The following CELSR3 variants were observed in gnomAD, a reference collection of about 807,000 sequenced individuals.
CELSR3 encodes the protein cadherin EGF LAG seven-pass G-type receptor 3.
A neutral mutation model predicts 270.0 loss-of-function variants in CELSR3; 73 were observed. The observed-to-expected ratio is 0.27, with a 90% CI of 0.22 to 0.33. The LOEUF is 0.33. Among genes scored for constraint, CELSR3 ranks in the 10% least tolerant of loss-of-function variants. The pLI is 1.00. For synonymous variants in CELSR3, 1,780 were observed against 1,905.4 expected (o/e 0.93, Z 1.71); for missense variants, 3,614 against 4,533.8 (o/e 0.80, Z 5.83).
Position 48,641,773 on chromosome 3 carries a change from G to T in CELSR3, c.8824+78C>A. On this transcript the variant is annotated intron_variant, in intron 32 of 34. Transcript: ENST00000164024. The surrounding 1 kb of genome is among the most constrained non-coding windows in gnomAD (Gnocchi z 4.8). ...AGAAAGACCAGGATGAACCCCAACC[G>T]CAGGAAAGATGGGGAGCTGGAGGGA... 1.5e-6 allele frequency: 2 copies of T among 1,346,122 alleles called. No individual in the cohort carries two copies. The highest frequency in any genetic ancestry group is 2.0e-6 in the Non-Finnish European group (2 of 1,015,880). The allele number at this position is 1,346,122 out of a possible 1,614,324, so 83.4% of individuals were successfully genotyped here. A position where few individuals can be genotyped will look rare whatever the true frequency, so the allele number is the denominator to read the frequency against.
rs756196478 is a variant in CELSR3 at position 48,660,734 on chromosome 3, G to A, written c.1901C>T (p.Thr634Met). The A allele has an allele frequency of 1.2e-6, 2 of 1,614,090 alleles. No homozygotes were observed. Among genetic ancestry groups the A allele is most frequent in the South Asian group, 2.2e-5 (2 of 91,086 alleles). Residue 634 changes from threonine (T) to methionine (M), a missense_variant, in exon 1 of 35, where the codon ACG becomes ATG. Transcript: ENST00000164024. This position sits in a 1 kb window ranked among gnomAD's most constrained non-coding sequence, Gnocchi z 5.5. ...DAGRPPLSNN[T>M]GLASIQVVDI... is the part of the protein sequence containing the mutation. ...CACCACCTGGATGCTGGCCAGGCCC[G>A]TGTTGTTGGACAGCGGTGGCCGGCC...
In CELSR3 at chr3:48,643,010, C is replaced by A; in HGVS notation, c.8363G>T (p.Gly2788Val). The A allele has an allele frequency of 6.2e-7, 1 of 1,612,822 alleles. No individual in the cohort carries two copies. The highest frequency in any genetic ancestry group is 8.5e-7 in the Non-Finnish European group (1 of 1,179,868). ...TGCCTCCTCAGGCGCTGCCTTCCTG[C>A]CCAGACAGGCTGGCATCCAGGCAGC... ...ARAAWMPACL[G>V]RKAAPEEARP... The change falls in exon 29 of 35, where the codon GGC (glycine) becomes GTC (valine). Residue 2788 changes from glycine to valine, a missense_variant. By Grantham distance (109) the Gly-to-Val change is moderately radical. Around this residue, in one of 7 missense-constraint regions of CELSR3, gnomAD observed 1,240 missense variants for 1,351.7 expected, o/e 0.92. Coordinates refer to ENST00000164024, the MANE Select transcript of CELSR3 (RefSeq NM_001407.3).
chr3:48,661,580 G>A lies in CELSR3; in HGVS notation c.1055C>T (p.Pro352Leu). The A allele has an allele frequency of 6.2e-7, 1 of 1,609,366 alleles. No individual in the cohort carries two copies. Among genetic ancestry groups the A allele is most frequent in the Non-Finnish European group, 8.5e-7 (1 of 1,179,108 alleles). The change falls in exon 1 of 35, where the codon CCG (proline) becomes CTG (leucine). Residue 352 changes from proline (P) to leucine (L), a missense_variant. Around this residue, in one of 7 missense-constraint regions of CELSR3, gnomAD observed 354 missense variants for 500.9 expected, o/e 0.71. Transcript: ENST00000164024. ...TAGGCGCCCGGCCTCGCCGGCGTCC[G>A]GGTCCTGAGCAACCACGCGTAGCAC... ...TAVLRVVAQD[P>L]DAGEAGRLVY...
rs1282581092 is a variant in CELSR3 at position 48,646,775 on chromosome 3, C to T, written c.7283G>A (p.Arg2428His). The change falls in exon 21 of 35, where the codon CGC (arginine) becomes CAC (histidine). Residue 2428 changes from arginine to histidine, a missense_variant. Arg to His is a conservative substitution (Grantham distance 29, BLOSUM62 0). Transcript: ENST00000164024. The surrounding 1 kb of genome is among the most constrained non-coding windows in gnomAD (Gnocchi z 4.8). ...GLLPAQFQAE[R>H]RGARLPQNPV... ...GGGGCCTGAGTACCTGGCACCTCGGCGTTCTGCCTGGAACTGGGCAGGGAG... is the reference window on the plus strand; with the variant it reads ...GGGGCCTGAGTACCTGGCACCTCGGTGTTCTGCCTGGAACTGGGCAGGGAG... 8 of 1,609,070 alleles carry T rather than the reference C, an allele frequency of 5.0e-6. No homozygotes were observed. The highest frequency in any genetic ancestry group is 1.7e-4 in the Middle Eastern group (1 of 5,962).
Position 48,642,834 on chromosome 3 carries a change from G to A in CELSR3, c.8457C>T (p.Ile2819=), listed in dbSNP as rs149689986. 2 of 1,613,052 alleles carry A rather than the reference G, an allele frequency of 1.2e-6. No individual in the cohort carries two copies. The highest frequency in any genetic ancestry group is 2.7e-5 in the African/African-American group (2 of 74,928). Residue 2819 remains isoleucine (I), a synonymous_variant, in exon 30 of 35, where the codon ATC becomes ATT. Coordinates refer to ENST00000164024, the MANE Select transcript of CELSR3 (RefSeq NM_001407.3). The surrounding 1 kb of genome is among the most constrained non-coding windows in gnomAD (Gnocchi z 6.1). The stretch of plus-strand genomic sequence containing the variant: ...CGGTGGAGGCGCCCAGAGTGATGCG[G>A]ATGAGGCCACTCTCCTCAAAGAGAG... ...NTALFEESGL[I]RITLGASTVS...
chr3:48,650,631 G>T lies in CELSR3; in HGVS notation c.6371-50C>A. ...CAGGCAGTCAGGGTACAGGGCAGTT[G>T]ACAGCCACACCCACTGCCCCTCCAC... On this transcript the variant is annotated intron_variant, in intron 15 of 34. Coordinates refer to ENST00000164024, the MANE Select transcript of CELSR3 (RefSeq NM_001407.3). This position sits in a 1 kb window ranked among gnomAD's most constrained non-coding sequence, Gnocchi z 5.1. 1 of 1,467,942 alleles carries T rather than the reference G, an allele frequency of 6.8e-7. No homozygotes were observed. Among genetic ancestry groups the T allele is most frequent in the Non-Finnish European group, 9.3e-7 (1 of 1,077,936 alleles). The allele number at this position is 1,467,942 out of a possible 1,614,324, so 90.9% of individuals were successfully genotyped here. A position where few individuals can be genotyped will look rare whatever the true frequency, so the allele number is the denominator to read the frequency against.
At position 48,640,488 on chromosome 3, in the gene CELSR3, G is replaced by A. The variant is rs568369822; in HGVS notation, c.9097C>T (p.Arg3033Cys). ...GCACGGTGGCCCAAGGTGGCTGCAC[G>A]GCACCAGGACAGCTCAGGGGCACCT... The part of the protein sequence containing the change: ...TRGAPELSWC[R>C]AATLGHRAVP... The change falls in exon 34 of 35, where the codon CGT (arginine) becomes TGT (cysteine). Residue 3033 changes from arginine to cysteine, a missense_variant. Physicochemically the swap from Arg to Cys is radical, Grantham distance 180. Coordinates refer to ENST00000164024, the MANE Select transcript of CELSR3 (RefSeq NM_001407.3). The surrounding 1 kb of genome is among the most constrained non-coding windows in gnomAD (Gnocchi z 7.5). The A allele has an allele frequency of 1.2e-5, 20 of 1,612,026 alleles. No homozygotes were observed. Among genetic ancestry groups the A allele is most frequent in the South Asian group, 9.9e-5 (9 of 91,030 alleles).
In CELSR3 at chr3:48,658,972, G is replaced by A. The variant is rs1409789239; in HGVS notation, c.3663C>T (p.Val1221=). The A allele has an allele frequency of 3.7e-6, 6 of 1,614,074 alleles. No individual in the cohort carries two copies. In the East Asian group the frequency reaches 1.1e-4, roughly 30 times the overall value. ...GTCGCAGCTCCCCACTGGTCTGGTTGACTACCAGCAGCTGCAGCTCATTGC... is the reference window on the plus strand; with the variant it reads ...GTCGCAGCTCCCCACTGGTCTGGTTAACTACCAGCAGCTGCAGCTCATTGC... The part of the protein sequence containing the change: ...ERGNELQLLV[V]NQTSGELRLS... The change falls in exon 1 of 35, where the codon GTC becomes GTT. Residue 1221 remains valine (V), a synonymous_variant. Coordinates refer to ENST00000164024, the MANE Select transcript of CELSR3 (RefSeq NM_001407.3). This position sits in a 1 kb window ranked among gnomAD's most constrained non-coding sequence, Gnocchi z 4.7.
At position 48,659,804 on chromosome 3, in the gene CELSR3, G is replaced by T. The variant is rs777276532; in HGVS notation, c.2831C>A (p.Thr944Asn). Residue 944 changes from threonine (T) to asparagine (N), a missense_variant, in exon 1 of 35, where the codon ACT becomes AAT. This residue lies in a region of CELSR3 where 1,331 missense variants were observed against 1,933.7 expected (regional missense o/e 0.69). Transcript: ENST00000164024. This position sits in a 1 kb window ranked among gnomAD's most constrained non-coding sequence, Gnocchi z 8.1. ...RDNGIPQKAD[T>N]TYVEVMVNDV... ...ATTGACCATCACCTCCACATAAGTA[G>T]TGTCTGCCTTCTGTGGGATGCCATT... The T allele has an allele frequency of 5.8e-5, 93 of 1,614,120 alleles. 1 individual carries two copies. The highest frequency in any genetic ancestry group is 7.7e-5 in the Non-Finnish European group (91 of 1,180,050).
chr3:48,642,285 T>G lies in CELSR3; in HGVS notation c.8665+73A>C. ...CACCCCAGTCAGCCACTGCTCCCAG[T>G]ATGGGGTAGAAGAAAAGGGGATGGG... On this transcript the variant is annotated intron_variant, in intron 31 of 34. Coordinates refer to ENST00000164024, the MANE Select transcript of CELSR3 (RefSeq NM_001407.3). The surrounding 1 kb of genome is among the most constrained non-coding windows in gnomAD (Gnocchi z 6.1). 2 of 1,482,780 alleles carry G rather than the reference T, an allele frequency of 1.3e-6. No homozygotes were observed. Among genetic ancestry groups the G allele is most frequent in the Non-Finnish European group, 1.8e-6 (2 of 1,090,824 alleles). The allele number at this position is 1,482,780 out of a possible 1,614,324, so 91.9% of individuals were successfully genotyped here.
rs1452684270 is a variant in CELSR3 at position 48,643,585 on chromosome 3, T to C, written c.8258A>G (p.His2753Arg). 1.3e-6 allele frequency: 2 copies of C among 1,550,646 alleles called. No individual in the cohort carries two copies. The highest frequency in any genetic ancestry group is 1.7e-6 in the Non-Finnish European group (2 of 1,146,816). Reference protein sequence around the residue: ...LAVNHSILAFHYLHAGLCGLQ... With the variant: ...LAVNHSILAFRYLHAGLCGLQ... ...GCCGCAGAGTCCAGCATGGAGGTAG[T>C]GGAAGGCTAGGATGCTGTGGTTGAC... Residue 2753 changes from histidine (H) to arginine (R), a missense_variant, in exon 28 of 35, where the codon CAC becomes CGC. His to Arg is a conservative substitution (Grantham distance 29). This residue lies in a region of CELSR3 where 1,240 missense variants were observed against 1,351.7 expected (regional missense o/e 0.92). Coordinates refer to ENST00000164024, the MANE Select transcript of CELSR3 (RefSeq NM_001407.3).
Position 48,647,954 on chromosome 3 carries a change from C to A in CELSR3, c.7016G>T (p.Gly2339Val). 2.5e-6 allele frequency: 4 copies of A among 1,612,140 alleles called. No homozygotes were observed. The highest frequency in any genetic ancestry group is 3.4e-6 in the Non-Finnish European group (4 of 1,179,690). Residue 2339 changes from glycine to valine, a missense_variant, in exon 20 of 35, where the codon GGG becomes GTG. By Grantham distance (109) the Gly-to-Val change is moderately radical (BLOSUM62 -3). Coordinates refer to ENST00000164024, the MANE Select transcript of CELSR3 (RefSeq NM_001407.3). ...DRMEHPSSPRGARRYPRYHSN... is the reference protein window; with the variant it reads ...DRMEHPSSPRVARRYPRYHSN... ...ATGGTAGCGAGGGTAGCGACGGGCC[C>A]CCCGGGGAGAACTGGGGTGCTCCAT...
At position 48,644,395 on chromosome 3, in the gene CELSR3, G is replaced by T; in HGVS notation, c.8086-100C>A. 1.7e-6 allele frequency: 2 copies of T among 1,143,050 alleles called. No homozygotes were observed. Among genetic ancestry groups the T allele is most frequent in the Non-Finnish European group, 2.6e-6 (2 of 769,198 alleles). 70.8% of individuals were successfully genotyped at this position (1,143,050 alleles called of 1,614,324 possible). A position where few individuals can be genotyped will look rare whatever the true frequency, so the allele number is the denominator to read the frequency against. ...GAGAGACTAAGATTCACGGAGAGAG[G>T]CAGAACCAGTGAGAAATTCACACAT... is the stretch of plus-strand genomic sequence containing the variant. On this transcript the variant is annotated intron_variant, in intron 26 of 34. Transcript: ENST00000164024. This position sits in a 1 kb window ranked among gnomAD's most constrained non-coding sequence, Gnocchi z 4.8.
In CELSR3 at chr3:48,661,218, C is replaced by T. The variant is rs753702923; in HGVS notation, c.1417G>A (p.Val473Met). 1 of 1,602,764 alleles carries T rather than the reference C, an allele frequency of 6.2e-7. No individual in the cohort carries two copies. Among genetic ancestry groups the T allele is most frequent in the South Asian group, 1.1e-5 (1 of 90,292 alleles). ...GCAGCGCGCGCAGCTGGCGGCCCCA[C>T]GAAGCGGTAGCGCAGGTTGGCGTTG... Reference protein sequence around the residue: ...PPNANLRYRFVGPPAARAAAA... With the variant: ...PPNANLRYRFMGPPAARAAAA... The change falls in exon 1 of 35, where the codon GTG (valine) becomes ATG (methionine). Residue 473 changes from valine (V) to methionine (M), a missense_variant. By Grantham distance (21) the Val-to-Met change is conservative. Around this residue, in one of 7 missense-constraint regions of CELSR3, gnomAD observed 354 missense variants for 500.9 expected, o/e 0.71. Transcript: ENST00000164024.
chr3:48,646,142 G>T lies in CELSR3; in HGVS notation c.7411C>A (p.Gln2471Lys), dbSNP rs376959970. The T allele has an allele frequency of 6.2e-7, 1 of 1,612,926 alleles. No individual in the cohort carries two copies. Among genetic ancestry groups the T allele is most frequent in the Non-Finnish European group, 8.5e-7 (1 of 1,179,956 alleles). The change falls in exon 22 of 35, where the codon CAG becomes AAG. Residue 2471 changes from glutamine to lysine, a missense_variant. Gln to Lys is a moderately conservative substitution (Grantham distance 53, BLOSUM62 1). Around this residue, in one of 7 missense-constraint regions of CELSR3, gnomAD observed 1,240 missense variants for 1,351.7 expected, o/e 0.92. Transcript: ENST00000164024. The surrounding 1 kb of genome is among the most constrained non-coding windows in gnomAD (Gnocchi z 4.8). ...SPISLEFRLL[Q>K]TANRSKAICV... ...ATCGCCTTGCTCCGATTCGCTGTCT[G>T]TAGCAGGCGAAACTCTAGGCTGATG... is the stretch of plus-strand genomic sequence containing the variant.
rs1352687662 is a variant in CELSR3, at chr3:48,654,878, G to A, written c.4988+166C>T. ...GTATGGGGTGGAATACAGGATTGGG[G>A]GCTAGGGTGAGTAGGCTTTCAGGGT... On this transcript the variant is annotated intron_variant, in intron 6 of 34. Transcript: ENST00000164024. The surrounding 1 kb of genome is among the most constrained non-coding windows in gnomAD (Gnocchi z 5.4). Among the ~76,000 whole-genome samples, 1 of 151,726 alleles carries A rather than the reference G, an allele frequency of 6.6e-6. No individual in the cohort carries two copies. Among genetic ancestry groups the A allele is most frequent in the Non-Finnish European group, 1.5e-5 (1 of 67,942 alleles).
rs1487789046 is a variant in CELSR3 at position 48,656,208 on chromosome 3, G to A, written c.4557C>T (p.Ser1519=). 1.3e-6 allele frequency: 2 copies of A among 1,537,114 alleles called. No homozygotes were observed. Among genetic ancestry groups the A allele is most frequent in the South Asian group, 1.2e-5 (1 of 84,108 alleles). The change falls in exon 3 of 35, where the codon TCC becomes TCT. Residue 1519 remains serine, a synonymous_variant. Coordinates refer to ENST00000164024, the MANE Select transcript of CELSR3 (RefSeq NM_001407.3). The part of the protein sequence containing the change: ...EGPRCEVAAR[S]FPPSSFVMFR... ...ACATGACGAACGAACTGGGCGGGAAGGAGCGCGCAGCCACCTCGCAGCGCG... is the reference window on the plus strand; with the variant it reads ...ACATGACGAACGAACTGGGCGGGAAAGAGCGCGCAGCCACCTCGCAGCGCG...
In CELSR3 at chr3:48,645,336, C is replaced by T. The variant is rs1415618762; in HGVS notation, c.7797+107G>A. The T allele has an allele frequency of 6.4e-7, 1 of 1,561,512 alleles. No individual in the cohort carries two copies. Among genetic ancestry groups the T allele is most frequent in the South Asian group, 1.1e-5 (1 of 88,668 alleles). ...TTACCCCAGCATCCTGCTGAAAACC[C>T]TGGCCCCAACCTGAGCATCCCTGAC... is the stretch of plus-strand genomic sequence containing the variant. On this transcript the variant is annotated intron_variant, in intron 24 of 34. Coordinates refer to ENST00000164024, the MANE Select transcript of CELSR3 (RefSeq NM_001407.3). This position sits in a 1 kb window ranked among gnomAD's most constrained non-coding sequence, Gnocchi z 5.4.
rs372510814 is a variant in CELSR3, at chr3:48,642,516, G to A, written c.8556-49C>T. The A allele has an allele frequency of 1.9e-5, 30 of 1,574,710 alleles. No homozygotes were observed. Among genetic ancestry groups the A allele is most frequent in the Non-Finnish European group, 2.4e-5 (28 of 1,155,588 alleles). ...CCATGAAAGAGGGATGTGATGGGGT[G>A]CCTTGGAGGCTGGAGTGTCTTTGAG... On this transcript the variant is annotated intron_variant, in intron 30 of 34. Transcript: ENST00000164024. This position sits in a 1 kb window ranked among gnomAD's most constrained non-coding sequence, Gnocchi z 6.1.
Sources: allele counts gnomAD v4.1 joint callset (sites outside exome capture counted in the v4.1 genomes callset), GRCh38; gene constraint gnomAD v4.1.1; regional missense constraint gnomAD v4.1.1; non-coding constraint Gnocchi (gnomAD v3.1); transcripts MANE v1.5; gene names NCBI Gene and HGNC (gene_info 2026-07-23, HGNC 2026-07-21).